SHROOM3: variants seen among roughly 807,000 people sequenced by gnomAD.
SHROOM3 encodes protein Shroom3.
A neutral mutation model predicts 138.6 loss-of-function variants in SHROOM3; 47 were observed. That is an observed-to-expected ratio of 0.34 (90% CI 0.27 to 0.43). The LOEUF (loss-of-function observed/expected upper bound fraction) is 0.43. Among genes scored for constraint, SHROOM3 ranks in the 20% least tolerant of loss-of-function variants. The probability of loss-of-function intolerance (pLI) is 1.00; values close to 1 mark genes in which losing one functional copy is unlikely to be tolerated. For missense variants in SHROOM3, 2,491 were observed against 2,596.5 expected (o/e 0.96, Z 0.88); for synonymous variants, 1,062 against 1,063.3 (o/e 1.00, Z 0.02).
chr4:76,775,816 T>TACAC (rs142788916), intron 10 of SHROOM3, among the ~76,000 whole-genome samples: 30 of 149,650 alleles, frequency 2.0e-4, no homozygotes, highest in East Asian at 9.9e-4. Context: ...ACTATATATA[T>TACAC]ACACACACAC....
intron 1 of SHROOM3, among the ~76,000 whole-genome samples, chr4:76,526,451 A>C (rs1732690643): frequency 1.3e-5 from 2 of 152,170 alleles, no homozygotes; most frequent in Non-Finnish European, 2.9e-5. Context: ...TTGTCTCCTA[A>C]CCCAAAAGGC....
intron 2 of SHROOM3, among the ~76,000 whole-genome samples, chr4:76,582,755 T>A (rs1265113971): frequency 6.6e-6 from 1 of 152,234 alleles, no homozygotes; most frequent in Non-Finnish European, 1.5e-5. Flanking sequence ...CTGAGTGATG[T>A]TCTAGACCAG....
chr4:76,523,037 A>C (rs1290287834), intron 1 of SHROOM3, among the ~76,000 whole-genome samples: 1 of 152,160 alleles, frequency 6.6e-6, no homozygotes, highest in Non-Finnish European at 1.5e-5. Context: ...ATTCTCTCAC[A>C]GTTCTGGAGG....
intron 1 of SHROOM3, among the ~76,000 whole-genome samples, chr4:76,530,894 A>C (rs1310124914): frequency 6.6e-6 from 1 of 152,192 alleles, no homozygotes; most frequent in East Asian, 1.9e-4. Flanking sequence ...CCTCCTAACC[A>C]GCTTTTCAGT....
intron 2 of SHROOM3, among the ~76,000 whole-genome samples, chr4:76,589,469 TAAA>T (rs60606785): frequency 3.7e-5 from 5 of 135,600 alleles, no homozygotes; most frequent in Non-Finnish European, 8.0e-5. Context: ...CTCTGTCTCA[TAAA>T]AAAAAAAAAA....
chr4:76,543,161 A>G (rs908190107), intron 1 of SHROOM3, among the ~76,000 whole-genome samples: 2 of 152,200 alleles, frequency 1.3e-5, no homozygotes, highest in South Asian at 4.1e-4. Flanking sequence ...AGGTAAACAG[A>G]TAAGTACCTT....
rs534262498 is a variant in SHROOM3, at chr4:76,782,932, T to A, written c.*3755T>A. 6.6e-6 allele frequency: 1 copy of A among 152,302 alleles called. No homozygotes were observed. The highest frequency in any genetic ancestry group is 1.9e-4 in the East Asian group (1 of 5,180). The allele number at this position is 152,302 out of a possible 1,614,324, so 9.4% of individuals were successfully genotyped here. A position where few individuals can be genotyped will look rare whatever the true frequency, so the allele number is the denominator to read the frequency against. On this transcript the variant is annotated 3_prime_UTR_variant, in exon 11 of 11. Coordinates refer to ENST00000296043, the MANE Select transcript of SHROOM3 (RefSeq NM_020859.4). ...TTAAATAAAACTTCACATTTCTTAA[T>A]GGGGAGCTCATTCAGAAACTAAATA...
intron 2 of SHROOM3, among the ~76,000 whole-genome samples, chr4:76,590,589 A>G (rs1734251800): frequency 6.6e-6 from 1 of 151,622 alleles, no homozygotes. Flanking sequence ...TCAGGACAGC[A>G]TTCAGATTTT....
At chr4:76,468,856 C>T (rs1352973769) in intron 1 of SHROOM3, among the ~76,000 whole-genome samples, 4 of 151,738 alleles carry the variant, frequency 2.6e-5, no homozygotes, top group Non-Finnish European at 5.9e-5. Context: ...ACGGTGAAAC[C>T]CCATCTCTAC....
intron 2 of SHROOM3, among the ~76,000 whole-genome samples, chr4:76,560,052 G>T (rs1733568680): frequency 6.6e-6 from 1 of 152,200 alleles, no homozygotes; most frequent in African/African-American, 2.4e-5. Flanking sequence ...GCTCCCAGTT[G>T]CAGAAAACCC....
At chr4:76,475,135 C>T (rs1237216848) in intron 1 of SHROOM3, among the ~76,000 whole-genome samples, 1 of 151,842 alleles carries the variant, frequency 6.6e-6, no homozygotes, top group African/African-American at 2.4e-5. Context: ...ATCATATTAG[C>T]CTGGTAAATT....
At chr4:76,483,524 T>C (rs1036967839) in intron 1 of SHROOM3, among the ~76,000 whole-genome samples, 9 of 152,150 alleles carry the variant, frequency 5.9e-5, no homozygotes, top group African/African-American at 2.2e-4. Flanking sequence ...TGTGGAGAAA[T>C]AGGAACATTT....
At chr4:76,613,830 A>T (rs1734814172) in intron 2 of SHROOM3, among the ~76,000 whole-genome samples, 1 of 152,128 alleles carries the variant, frequency 6.6e-6, no homozygotes, top group Non-Finnish European at 1.5e-5. Flanking sequence ...GAACAACACA[A>T]TATCACTTTT....
chr4:76,770,728 G>A lies in SHROOM3; in HGVS notation c.5452G>A (p.Val1818Met), dbSNP rs1042773070. The stretch of plus-strand genomic sequence containing the variant: ...GCTCAACAACGCCCTGGGAGAAGAG[G>A]TGGAGGCTCTGATCAGCGAGCTCTG... Reference protein sequence around the residue: ...IKLNNALGEEVEALISELCKP... With the variant: ...IKLNNALGEEMEALISELCKP... The change falls in exon 10 of 11, where the codon GTG becomes ATG. Residue 1818 changes from valine to methionine, a missense_variant. By Grantham distance (21) the Val-to-Met change is conservative (BLOSUM62 1). Transcript: ENST00000296043. 3.1e-6 allele frequency: 5 copies of A among 1,614,192 alleles called. No individual in the cohort carries two copies. Among genetic ancestry groups the A allele is most frequent in the South Asian group, 1.1e-5 (1 of 91,072 alleles).
rs1226948919 is a variant in SHROOM3 at position 76,741,976 on chromosome 4, A to C, written c.3753+50A>C. 2.5e-6 allele frequency: 4 copies of C among 1,594,690 alleles called. No individual in the cohort carries two copies. In the Admixed American group the frequency reaches 6.9e-5, roughly 28 times the overall value. On this transcript the variant is annotated intron_variant, in intron 5 of 10. Transcript: ENST00000296043. This position sits in a 1 kb window ranked among gnomAD's most constrained non-coding sequence, Gnocchi z 6.2. ...CCTCGAACTGTCCCTTCCTCCCTAGAAGCTTTAGTGGGGCTCCCCAACCCC... is the reference window on the plus strand; with the variant it reads ...CCTCGAACTGTCCCTTCCTCCCTAGCAGCTTTAGTGGGGCTCCCCAACCCC...
intron 2 of SHROOM3, among the ~76,000 whole-genome samples, chr4:76,701,569 T>A (rs537747127): frequency 6.6e-6 from 1 of 152,326 alleles, no homozygotes; most frequent in African/African-American, 2.4e-5. Flanking sequence ...TAAGCTATAA[T>A]CTGGTATTAA....
At chr4:76,528,346 T>C (rs1383073014) in intron 1 of SHROOM3, among the ~76,000 whole-genome samples, 14 of 148,080 alleles carry the variant, frequency 9.5e-5, no homozygotes, top group South Asian at 2.1e-4. Flanking sequence ...TCTTCTTCTT[T>C]TTTTTTTTTT....
chr4:76,685,491 A>G (rs1012731940), intron 2 of SHROOM3, among the ~76,000 whole-genome samples: 1 of 152,246 alleles, frequency 6.6e-6, no homozygotes, highest in African/African-American at 2.4e-5. Flanking sequence ...AGGGTTGGAC[A>G]AGCTTGGTAT....
At chr4:76,719,667 AC>A (rs1299510301) in intron 3 of SHROOM3, among the ~76,000 whole-genome samples, 4 of 151,252 alleles carry the variant, frequency 2.6e-5, no homozygotes, top group African/African-American at 7.3e-5. Flanking sequence ...GGGGAAAAAA[AC>A]ATTTCAATTT....
Sources: allele counts gnomAD v4.1 joint callset (sites outside exome capture counted in the v4.1 genomes callset), GRCh38; gene constraint gnomAD v4.1.1; non-coding constraint Gnocchi (gnomAD v3.1); transcripts MANE v1.5; gene names NCBI Gene and HGNC (gene_info 2026-07-23, HGNC 2026-07-21).